Variants in ATRNL1 observed in about 807,000 individuals in gnomAD.
ATRNL1 encodes the protein attractin-like protein 1.
Under a neutral mutation model 182.7 loss-of-function variants are expected in ATRNL1, and 95 were observed. The ratio of observed to expected loss-of-function variants is 0.52; its 90% CI spans 0.44 to 0.62. The LOEUF is 0.62. Among genes scored for constraint, ATRNL1 ranks in the 20% least tolerant of loss-of-function variants. The pLI is 0.00. For synonymous variants in ATRNL1, 576 were observed against 568.3 expected (o/e 1.01, Z -0.19); for missense variants, 1,471 against 1,679.5 (o/e 0.88, Z 2.17).
At chr10:115,601,459 CAA>C (rs1355345613) in intron 26 of ATRNL1, among the ~76,000 whole-genome samples, 2 of 152,142 alleles carry the variant, frequency 1.3e-5, no homozygotes, top group Non-Finnish European at 2.9e-5. Context: ...TATAATGTGA[CAA>C]AGAGAAGTGT....
In ATRNL1 at chr10:115,265,379, G is replaced by T. The variant is rs892750202; in HGVS notation, c.1772+102G>T. On this transcript the variant is annotated intron_variant, in intron 11 of 28. Coordinates refer to ENST00000355044, the MANE Select transcript of ATRNL1 (RefSeq NM_207303.4). ...TGAAAATTATCATTGGTACTTAATG[G>T]TATTGGATTTTATGCATCTCTTCTC... The T allele has an allele frequency of 3.1e-5, 21 of 685,102 alleles. No individual in the cohort carries two copies. In the African/African-American group the frequency reaches 3.5e-4, roughly 11 times the overall value. The allele number at this position is 685,102 out of a possible 1,614,324, so 42.4% of individuals were successfully genotyped here. A position where few individuals can be genotyped will look rare whatever the true frequency, so the allele number is the denominator to read the frequency against.
At chr10:115,386,277 G>A (rs1554952612) in intron 19 of ATRNL1, among the ~76,000 whole-genome samples, 1 of 152,126 alleles carries the variant, frequency 6.6e-6, no homozygotes, top group Admixed American at 6.6e-5. Flanking sequence ...TGTTAAATTT[G>A]TCTCTAAATA....
chr10:115,393,004 G>A (rs1391987042), intron 19 of ATRNL1, among the ~76,000 whole-genome samples: 1 of 152,046 alleles, frequency 6.6e-6, no homozygotes, highest in African/African-American at 2.4e-5. Flanking sequence ...CCTCTAATAT[G>A]CCACCTAGAT....
intron 10 of ATRNL1, among the ~76,000 whole-genome samples, chr10:115,252,025 G>T (rs556105019): frequency 6.6e-6 from 1 of 152,132 alleles, no homozygotes; most frequent in South Asian, 2.1e-4. Context: ...TAGGTTTGTT[G>T]TTGTTGTTGT....
chr10:115,940,701 TCTCTCTCTC>T (rs1953706319), intron 28 of ATRNL1, among the ~76,000 whole-genome samples: 1 of 101,196 alleles, frequency 9.9e-6, no homozygotes, highest in Non-Finnish European at 1.8e-5. Context: ...CTCTCTCTTC[TCTCTCTCTC>T]TCTTTTAGTG....
At chr10:115,740,827 CACACACACACACACACACACACACACAA>C (rs1464467810) in intron 27 of ATRNL1, among the ~76,000 whole-genome samples, 3 of 16,046 alleles carry the variant, frequency 1.9e-4, no homozygotes, top group South Asian at 9.6e-3. Flanking sequence ...TTTAAACACA[CACACACACACACACACACACACACACAA>C]ACACACACAC....
At chr10:115,195,902 G>A (rs547050056) in intron 8 of ATRNL1, among the ~76,000 whole-genome samples, 1 of 151,956 alleles carries the variant, frequency 6.6e-6, no homozygotes. Context: ...TTTCTCATGC[G>A]TTTTCTAGGA....
At chr10:115,888,531 G>T (rs781796263) in intron 28 of ATRNL1, among the ~76,000 whole-genome samples, 2 of 152,108 alleles carry the variant, frequency 1.3e-5, no homozygotes, top group Non-Finnish European at 2.9e-5. Context: ...AATAATACCT[G>T]TCTTTCAAGA....
At chr10:115,827,768 C>T (rs151026158) in intron 27 of ATRNL1, among the ~76,000 whole-genome samples, 56 of 152,162 alleles carry the variant, frequency 3.7e-4, no homozygotes, top group African/African-American at 1.3e-3. Flanking sequence ...AAGCAGTTGT[C>T]GAATACTGAC....
intron 21 of ATRNL1, among the ~76,000 whole-genome samples, chr10:115,437,621 C>T (rs1327725152): frequency 6.6e-6 from 1 of 151,846 alleles, no homozygotes; most frequent in Non-Finnish European, 1.5e-5. Flanking sequence ...TTTGGACTCT[C>T]GATATTGTTG....
chr10:115,712,436 T>C (rs72641359), intron 26 of ATRNL1, among the ~76,000 whole-genome samples: 2,998 of 152,282 alleles, frequency 0.02, 122 homozygotes, highest in East Asian at 0.19. Flanking sequence ...GACATGATAC[T>C]ATTGGTCTAT....
chr10:115,259,628 A>G (rs1221868476), intron 10 of ATRNL1, among the ~76,000 whole-genome samples: 1 of 152,114 alleles, frequency 6.6e-6, no homozygotes, highest in African/African-American at 2.4e-5. Context: ...TGCATCCACT[A>G]TCCAACTAGT....
chr10:115,774,872 TG>T (rs782625321), intron 27 of ATRNL1, among the ~76,000 whole-genome samples: 15 of 152,012 alleles, frequency 9.9e-5, no homozygotes, highest in Non-Finnish European at 1.9e-4. Context: ...AGTCATGGTT[TG>T]TTTTTTTTTT....
intron 8 of ATRNL1, among the ~76,000 whole-genome samples, chr10:115,192,178 T>A (rs782330210): frequency 4.6e-5 from 7 of 152,080 alleles, no homozygotes; most frequent in Non-Finnish European, 8.8e-5. Flanking sequence ...CCCAGACCAA[T>A]GTCCTGGAGT....
At chr10:115,401,309 A>T (rs1277113901) in intron 20 of ATRNL1, among the ~76,000 whole-genome samples, 2 of 152,096 alleles carry the variant, frequency 1.3e-5, no homozygotes, top group Non-Finnish European at 2.9e-5. Flanking sequence ...CTTAGTTCAT[A>T]ATTAAAATGG....
chr10:115,539,814 C>T (rs1440920127), intron 25 of ATRNL1, among the ~76,000 whole-genome samples: 3 of 152,044 alleles, frequency 2.0e-5, no homozygotes, highest in African/African-American at 7.3e-5. Flanking sequence ...TACAGAGAGC[C>T]AAGATAAACC....
chr10:115,616,697 C>T (rs559207638), intron 26 of ATRNL1, among the ~76,000 whole-genome samples: 4 of 152,316 alleles, frequency 2.6e-5, no homozygotes, highest in East Asian at 1.9e-4. Flanking sequence ...CCAAAAGGAC[C>T]GAGGTACAGC....
intron 26 of ATRNL1, among the ~76,000 whole-genome samples, chr10:115,607,239 A>G (rs1751310266): frequency 6.6e-6 from 1 of 151,744 alleles, no homozygotes; most frequent in Admixed American, 6.6e-5. Context: ...ACCAGCCATT[A>G]TTTTTCAATT....
rs201459050 is a variant in ATRNL1 at position 115,847,913 on chromosome 10, G to T, written c.3940G>T (p.Gly1314Trp). The change falls in exon 28 of 29, where the codon GGG becomes TGG. Residue 1314 changes from glycine (G) to tryptophan (W), a missense_variant. Physicochemically the swap from Gly to Trp is radical, Grantham distance 184. Coordinates refer to ENST00000355044, the MANE Select transcript of ATRNL1 (RefSeq NM_207303.4). ...PKPIAIEPCAGNRAAVLTVFL... is the reference protein window; with the variant it reads ...PKPIAIEPCAWNRAAVLTVFL... ...GCCAATTGCCATTGAACCATGTGCT[G>T]GGAACAGAGCTGCTGTTCTGACTGT... 1.5e-5 allele frequency: 24 copies of T among 1,612,498 alleles called. No homozygotes were observed. Among genetic ancestry groups the T allele is most frequent in the Admixed American group, 3.3e-5 (2 of 59,862 alleles).
Sources: gnomAD v4.1 joint callset for allele counts (sites outside exome capture counted in the v4.1 genomes callset) on GRCh38, gnomAD v4.1.1 for gene constraint, MANE v1.5 for transcripts, NCBI Gene and HGNC (gene_info 2026-07-23, HGNC 2026-07-21) for gene names.